Variants in CPQ observed in about 807,000 individuals in gnomAD.
CPQ encodes the protein Ser-Met dipeptidase.
Under a neutral mutation model 45.7 loss-of-function variants are expected in CPQ, and 37 were observed. The observed-to-expected ratio is 0.81, with a 90% confidence interval of 0.62 to 1.07. The LOEUF (loss-of-function observed/expected upper bound fraction) is 1.07. CPQ is among the 50% of genes least tolerant of loss of function. The pLI is 0.00. For missense variants in CPQ, 537 were observed against 572.9 expected (o/e 0.94, Z 0.64); for synonymous variants, 186 against 205.8 (o/e 0.90, Z 0.82).
chr8:96,933,491 C>T (rs1213551710), intron 4 of CPQ, among the ~76,000 whole-genome samples: 1 of 152,146 alleles, frequency 6.6e-6, no homozygotes, highest in Non-Finnish European at 1.5e-5. Flanking sequence ...ATTGACAAGA[C>T]ATTCTAACAC....
chr8:96,718,330 A>C (rs995745092), intron 1 of CPQ, among the ~76,000 whole-genome samples: 10 of 152,032 alleles, frequency 6.6e-5, no homozygotes, highest in African/African-American at 2.4e-4. Flanking sequence ...GTGTGTCTGG[A>C]GTTTTTTCCT....
intron 4 of CPQ, among the ~76,000 whole-genome samples, chr8:96,918,472 A>G (rs915502485): frequency 2.6e-5 from 4 of 152,016 alleles, no homozygotes; most frequent in African/African-American, 4.8e-5. Flanking sequence ...TTCTCACCCT[A>G]TAAGACTTTT....
At chr8:96,824,685 C>A (rs372197082) in intron 2 of CPQ, among the ~76,000 whole-genome samples, 32 of 151,970 alleles carry the variant, frequency 2.1e-4, no homozygotes, top group East Asian at 7.7e-4. Context: ...AATAATATTT[C>A]TATTACCATA....
At chr8:96,836,613 A>G in intron 3 of CPQ, among the ~76,000 whole-genome samples, 1 of 152,182 alleles carries the variant, frequency 6.6e-6, no homozygotes, top group Non-Finnish European at 1.5e-5. Context: ...GGAATAACAT[A>G]TTCAGCAAGC....
At chr8:96,908,265 TTATTC>T (rs1267346302) in intron 4 of CPQ, among the ~76,000 whole-genome samples, 1 of 152,138 alleles carries the variant, frequency 6.6e-6, no homozygotes, top group African/African-American at 2.4e-5. Flanking sequence ...TTGCTCCTCA[TTATTC>T]TGTGATGTGC....
At chr8:96,817,990 C>T (rs924419223) in intron 2 of CPQ, among the ~76,000 whole-genome samples, 1 of 152,076 alleles carries the variant, frequency 6.6e-6, no homozygotes, top group Non-Finnish European at 1.5e-5. Flanking sequence ...AGAGGCCTAG[C>T]TTTTGCCCTA....
At chr8:97,086,773 T>C (rs1023463922) in intron 7 of CPQ, among the ~76,000 whole-genome samples, 1 of 152,202 alleles carries the variant, frequency 6.6e-6, no homozygotes, top group Non-Finnish European at 1.5e-5. Context: ...CCCAGAGGAA[T>C]ACCAAGAATG....
intron 5 of CPQ, among the ~76,000 whole-genome samples, chr8:97,027,130 C>A (rs1397943303): frequency 6.6e-6 from 1 of 152,182 alleles, no homozygotes; most frequent in Non-Finnish European, 1.5e-5. Flanking sequence ...ATATTACAAG[C>A]AAGTAATTTC....
In CPQ at chr8:97,089,094, T is replaced by G. The variant is rs1372989591; in HGVS notation, c.1255+22884T>G. ...CCCCATCTCTACCAAAAATACAAAA[T>G]TAGCCAGGTGTGGTGGCACACGCCT... On this transcript the variant is annotated intron_variant, in intron 7 of 7. Coordinates refer to ENST00000220763, the MANE Select transcript of CPQ (RefSeq NM_016134.4). Among the ~76,000 whole-genome samples the G allele has an allele frequency of 7.9e-5, 12 of 151,654 alleles. No individual in the cohort carries two copies. In the East Asian group the frequency reaches 2.3e-3, roughly 29 times the overall value.
At chr8:97,115,866 G>GA (rs1163174820) in intron 7 of CPQ, among the ~76,000 whole-genome samples, 2 of 151,862 alleles carry the variant, frequency 1.3e-5, no homozygotes, top group Non-Finnish European at 2.9e-5. Context: ...CAGGTGTATT[G>GA]AAAAAATGGT....
intron 5 of CPQ, among the ~76,000 whole-genome samples, chr8:97,026,884 C>T (rs965364235): frequency 7.2e-5 from 11 of 152,164 alleles, no homozygotes; most frequent in African/African-American, 7.2e-5. Context: ...AAAATCTATA[C>T]GGATATTCAG....
chr8:96,866,067 C>T lies in CPQ; in HGVS notation c.642-13731C>T, dbSNP rs1299534324. 5.3e-5 allele frequency among the ~76,000 whole-genome samples: 8 copies of T among 152,132 alleles called. No individual in the cohort carries two copies. In the East Asian group the frequency reaches 1.6e-3, roughly 30 times the overall value. ...TTTTGGTCACAGATGTAGCCTACCT[C>T]CATTGCCTGCCACAGAACCTGGCTC... is the stretch of plus-strand genomic sequence containing the variant. On this transcript the variant is annotated intron_variant, in intron 3 of 7. Transcript: ENST00000220763.
intron 4 of CPQ, among the ~76,000 whole-genome samples, chr8:96,942,870 C>G (rs559713736): frequency 6.6e-6 from 1 of 152,282 alleles, no homozygotes; most frequent in East Asian, 1.9e-4. Context: ...GCCTCTTTGT[C>G]ATTCTTCCCT....
At chr8:96,915,473 G>A (rs1250697266) in intron 4 of CPQ, among the ~76,000 whole-genome samples, 4 of 152,122 alleles carry the variant, frequency 2.6e-5, no homozygotes, top group African/African-American at 9.7e-5. Context: ...AAGGAAATAA[G>A]AGAAAACATA....
intron 4 of CPQ, among the ~76,000 whole-genome samples, chr8:96,907,240 G>A (rs1812591388): frequency 6.6e-6 from 1 of 152,136 alleles, no homozygotes. Context: ...GCTCTGCATG[G>A]TCATTCGGTG....
At chr8:96,705,018 A>C (rs1809514531) in intron 1 of CPQ, among the ~76,000 whole-genome samples, 1 of 152,210 alleles carries the variant, frequency 6.6e-6, no homozygotes. Flanking sequence ...GAGAGTGTAG[A>C]GTAACAAAAA....
At chr8:96,731,370 A>T (rs1487126823) in intron 1 of CPQ, among the ~76,000 whole-genome samples, 1 of 152,146 alleles carries the variant, frequency 6.6e-6, no homozygotes, top group African/African-American at 2.4e-5. Flanking sequence ...GGCTACTGCA[A>T]GCTTTCAGGT....
intron 3 of CPQ, among the ~76,000 whole-genome samples, chr8:96,871,105 G>T (rs10108534): frequency 0.41 from 62,618 of 151,696 alleles, 13,258 homozygotes; most frequent in Middle Eastern, 0.47. Context: ...ATTTCTTATT[G>T]GTGCCAGCGA....
rs144021187 is a variant in CPQ at position 97,102,050 on chromosome 8, G to A, written c.1255+35840G>A. Among the ~76,000 whole-genome samples, 632 of 151,696 alleles carry A rather than the reference G, an allele frequency of 4.2e-3. 7 individuals are homozygous for A. The highest frequency in any genetic ancestry group is 0.014 in the African/African-American group (598 of 41,336). On this transcript the variant is annotated intron_variant, in intron 7 of 7. Coordinates refer to ENST00000220763, the MANE Select transcript of CPQ (RefSeq NM_016134.4). The stretch of plus-strand genomic sequence containing the variant: ...CCTGCTTGCTGCTCTGAAAGAGCAT[G>A]CAATATGGTACAGTTAGGGAGATAA...
Sources: gnomAD v4.1 joint callset for allele counts (sites outside exome capture counted in the v4.1 genomes callset) on GRCh38, gnomAD v4.1.1 for gene constraint, MANE v1.5 for transcripts, NCBI Gene and HGNC (gene_info 2026-07-23, HGNC 2026-07-21) for gene names.